CBFA2T3: variants seen among roughly 807,000 people sequenced by gnomAD.
The protein encoded by CBFA2T3 is CBFA2/RUNX1 partner transcriptional co-repressor 3.
CBFA2T3 carries 31 observed loss-of-function variants against 58.6 expected under a neutral mutation model. The ratio of observed to expected loss-of-function variants is 0.53; its 90% CI spans 0.40 to 0.71. The LOEUF (loss-of-function observed/expected upper bound fraction) is 0.71, where lower values mean the gene tolerates loss of function less well. Ranked by LOEUF, CBFA2T3 falls within the 30% of genes least tolerant of loss-of-function variation. The pLI, the probability that CBFA2T3 is intolerant of heterozygous loss-of-function variation, is 0.00. For missense variants in CBFA2T3, 1,076 were observed against 963.1 expected, an observed-to-expected ratio of 1.12 and a Z score of -1.55; for synonymous variants, 531 against 421.9, an observed-to-expected ratio of 1.26 and a Z score of -3.17.
At chr16:88,968,370 C>T (rs1040445343) in intron 1 of CBFA2T3, among the ~76,000 whole-genome samples, 2 of 152,232 alleles carry the variant, frequency 1.3e-5, no homozygotes, top group African/African-American at 2.4e-5. Context: ...CAGGTGGGGA[C>T]GGCCCCTTGC....
intron 1 of CBFA2T3, among the ~76,000 whole-genome samples, chr16:88,911,861 T>A (rs1970541898): frequency 6.6e-6 from 1 of 151,668 alleles, no homozygotes; most frequent in African/African-American, 2.4e-5. Flanking sequence ...GGAGAGCCTC[T>A]GGGGCACAGT....
At chr16:88,952,227 C>T (rs1003650092) in intron 1 of CBFA2T3, among the ~76,000 whole-genome samples, 6 of 152,358 alleles carry the variant, frequency 3.9e-5, no homozygotes, top group South Asian at 2.1e-4. Context: ...GCATGCATCC[C>T]GGCACTGACA....
At chr16:88,910,908 C>G (rs984195051) in intron 1 of CBFA2T3, among the ~76,000 whole-genome samples, 11 of 147,652 alleles carry the variant, frequency 7.4e-5, no homozygotes, top group Non-Finnish European at 3.0e-5. Context: ...GCCTCCAGGG[C>G]TGTGCCAAGT....
At position 88,917,349 on chromosome 16, in the gene CBFA2T3, AGGGGAGGGCCTGCCCC is replaced by A. The variant is rs571015094; in HGVS notation, c.152-15709_152-15694del. ...CGTGGGAGAAAGGTGCCACCGTGGG[AGGGGAGGGCCTGCCCC>A]GGGGAGGGCACAGAGGCTGGGATGC... is the stretch of plus-strand genomic sequence containing the variant. On this transcript the variant is annotated intron_variant, in intron 1 of 11. Transcript: ENST00000268679. Among the ~76,000 whole-genome samples, 1,401 of 152,198 alleles carry A rather than the reference AGGGGAGGGCCTGCCCC, an allele frequency of 9.2e-3. 12 individuals carry two copies. Among genetic ancestry groups the A allele is most frequent in the Non-Finnish European group, 0.013 (888 of 67,978 alleles).
intron 1 of CBFA2T3, among the ~76,000 whole-genome samples, chr16:88,916,364 G>C (rs1970730080): frequency 6.6e-6 from 1 of 151,924 alleles, no homozygotes; most frequent in African/African-American, 2.4e-5. Context: ...CCGTGTATAT[G>C]CACTTACACA....
Position 88,932,595 on chromosome 16 carries a change from C to T in CBFA2T3, c.152-30939G>A, listed in dbSNP as rs1372105733. On this transcript the variant is annotated intron_variant, in intron 1 of 11. Transcript: ENST00000268679. ...CTAGGAGGTTAAGGCAGCAGTGAGCCATGATCGCACCACTGCATTCCAGCC... is the reference window on the plus strand; with the variant it reads ...CTAGGAGGTTAAGGCAGCAGTGAGCTATGATCGCACCACTGCATTCCAGCC... Among the ~76,000 whole-genome samples the T allele has an allele frequency of 2.6e-5, 4 of 151,810 alleles. No homozygotes were observed. In the East Asian group the frequency reaches 7.7e-4, roughly 29 times the overall value.
intron 1 of CBFA2T3, among the ~76,000 whole-genome samples, chr16:88,931,476 C>T (rs530870943): frequency 6.6e-6 from 1 of 151,874 alleles, no homozygotes; most frequent in East Asian, 1.9e-4. Flanking sequence ...AAGGTCTCCT[C>T]GGCAGAAGCC....
chr16:88,973,471 C>T (rs978686100), intron 1 of CBFA2T3, among the ~76,000 whole-genome samples: 5 of 152,170 alleles, frequency 3.3e-5, no homozygotes, highest in Non-Finnish European at 5.9e-5. Context: ...TTGTTCTGAG[C>T]CCCCAGCCAG....
chr16:88,919,059 G>A (rs561561546), intron 1 of CBFA2T3, among the ~76,000 whole-genome samples: 1 of 152,284 alleles, frequency 6.6e-6, no homozygotes, highest in African/African-American at 2.4e-5. Context: ...TATCTGCCCT[G>A]GCATGTTTAT....
At chr16:88,966,561 A>G (rs2142874508) in intron 1 of CBFA2T3, among the ~76,000 whole-genome samples, 1 of 152,174 alleles carries the variant, frequency 6.6e-6, no homozygotes, top group South Asian at 2.1e-4. Flanking sequence ...AAGCAGTAGA[A>G]GCACCCGGTG....
chr16:88,924,029 G>T (rs75269947), intron 1 of CBFA2T3, among the ~76,000 whole-genome samples: 3 of 152,174 alleles, frequency 2.0e-5, no homozygotes, highest in Non-Finnish European at 4.4e-5. Context: ...AGCAAAGACC[G>T]CGGGTGGAGG....
rs2142583996 is a variant in CBFA2T3, at chr16:88,892,247, C to T, written c.618G>A (p.Leu206=). The T allele has an allele frequency of 1.2e-6, 2 of 1,608,048 alleles. No individual in the cohort carries two copies. The highest frequency in any genetic ancestry group is 1.7e-5 in the Admixed American group (1 of 59,950). Residue 206 remains leucine (L), a synonymous_variant, in exon 4 of 12, where the codon CTG becomes CTA. Transcript: ENST00000268679. Reference sequence around the variant, plus strand: ...CGGCTGTCCCTGCCCAACTCACCACCAGGCCCAGCACCAGTGTGCGCACGC... The same window carrying T: ...CGGCTGTCCCTGCCCAACTCACCACTAGGCCCAGCACCAGTGTGCGCACGC... ...GERVRTLVLG[L]VNSTLTIEEF... is the part of the protein sequence containing the mutation.
chr16:88,917,875 G>T (rs1329634239), intron 1 of CBFA2T3, among the ~76,000 whole-genome samples: 2 of 152,168 alleles, frequency 1.3e-5, no homozygotes, highest in African/African-American at 4.8e-5. Flanking sequence ...GGAGAGCGTG[G>T]GTGCGGACGA....
At chr16:88,895,376 C>T (rs527574198) in intron 3 of CBFA2T3, among the ~76,000 whole-genome samples, 1 of 152,220 alleles carries the variant, frequency 6.6e-6, no homozygotes, top group African/African-American at 2.4e-5. Context: ...GAAGTGCGCC[C>T]GGGTCAGGAA....
At chr16:88,968,437 G>A (rs1286014318) in intron 1 of CBFA2T3, among the ~76,000 whole-genome samples, 1 of 152,244 alleles carries the variant, frequency 6.6e-6, no homozygotes, top group South Asian at 2.1e-4. Flanking sequence ...ACGGCTCCTG[G>A]CAGTGGGGAC....
At chr16:88,957,225 C>T (rs548126379) in intron 1 of CBFA2T3, among the ~76,000 whole-genome samples, 182 of 152,348 alleles carry the variant, frequency 1.2e-3, no homozygotes, top group Non-Finnish European at 2.1e-3. Flanking sequence ...CAAATGCTGC[C>T]GGTGGTTCTA....
intron 2 of CBFA2T3, among the ~76,000 whole-genome samples, chr16:88,900,026 A>G (rs898595648): frequency 2.0e-5 from 3 of 152,216 alleles, no homozygotes; most frequent in Non-Finnish European, 4.4e-5. Flanking sequence ...AGGACATGTG[A>G]GAAAAAGCCC....
rs550963461 is a variant in CBFA2T3, at chr16:88,967,851, G to A, written c.151+8806C>T. ...GACGCCCCCTGCCCCGGAGCAGCGC[G>A]TCCAGCGGGGGTCGGCGTGAGCTGT... On this transcript the variant is annotated intron_variant, in intron 1 of 11. Transcript: ENST00000268679. 3.2e-4 allele frequency among the ~76,000 whole-genome samples: 49 copies of A among 152,336 alleles called. No individual in the cohort carries two copies. In the South Asian group the frequency reaches 8.3e-3, roughly 26 times the overall value.
chr16:88,956,031 C>G lies in CBFA2T3; in HGVS notation c.151+20626G>C, dbSNP rs571365693. Among the ~76,000 whole-genome samples the G allele has an allele frequency of 2.4e-3, 360 of 152,218 alleles. 1 individual carries two copies. The highest frequency in any genetic ancestry group is 8.0e-3 in the African/African-American group (333 of 41,464). ...CTGACCCCACCCAAGGATCCTGACC[C>G]CACCCAGGGCTCCCGACCCTGCCCA... On this transcript the variant is annotated intron_variant, in intron 1 of 11. Transcript: ENST00000268679.
Sources: gnomAD v4.1 joint callset for allele counts (sites outside exome capture counted in the v4.1 genomes callset) on GRCh38, gnomAD v4.1.1 for gene constraint, MANE v1.5 for transcripts, NCBI Gene and HGNC (gene_info 2026-07-23, HGNC 2026-07-21) for gene names.